The following ADAMTS3 variants were observed in gnomAD, a reference collection of about 807,000 sequenced individuals.
The protein encoded by ADAMTS3 is A disintegrin and metalloproteinase with thrombospondin motifs 3.
Under a neutral mutation model 129.0 loss-of-function variants are expected in ADAMTS3, and 73 were observed. The observed-to-expected ratio is 0.57, with a 90% CI of 0.47 to 0.69. ADAMTS3 has a LOEUF of 0.69. ADAMTS3 is among the 30% of genes least tolerant of loss of function. The probability of loss-of-function intolerance (pLI) is 0.00; values close to 1 mark genes in which losing one functional copy is unlikely to be tolerated. For missense variants in ADAMTS3, 1,457 were observed against 1,514.5 expected, an observed-to-expected ratio of 0.96 and a Z score of 0.63; for synonymous variants, 477 against 510.8, an observed-to-expected ratio of 0.93 and a Z score of 0.89.
At chr4:72,371,039 G>A (rs1578622600) in intron 4 of ADAMTS3, among the ~76,000 whole-genome samples, 1 of 152,126 alleles carries the variant, frequency 6.6e-6, no homozygotes, top group Non-Finnish European at 1.5e-5. Context: ...GAAGAGAGAG[G>A]CAGAGACCAG....
At chr4:72,380,760 C>G (rs1280155445) in intron 4 of ADAMTS3, among the ~76,000 whole-genome samples, 2 of 152,032 alleles carry the variant, frequency 1.3e-5, no homozygotes, top group African/African-American at 4.8e-5. Context: ...CAGAAAGTGG[C>G]AGTCATCTCA....
rs112741610 is a variant in ADAMTS3 at position 72,495,665 on chromosome 4, C to G, written c.504+52813G>C. ...ACCTAGAAAAATCATCAAATCATGA[C>G]CTACCTCTTTCAGTTATTTTTTAAT... On this transcript the variant is annotated intron_variant, in intron 3 of 21. Transcript: ENST00000286657. Among the ~76,000 whole-genome samples, 331 of 152,152 alleles carry G rather than the reference C, an allele frequency of 2.2e-3. 1 individual carries two copies. Among genetic ancestry groups the G allele is most frequent in the African/African-American group, 7.3e-3 (301 of 41,512 alleles).
At chr4:72,530,261 TATATATA>T (rs1322857566) in intron 3 of ADAMTS3, among the ~76,000 whole-genome samples, 13 of 81,812 alleles carry the variant, frequency 1.6e-4, no homozygotes, top group Admixed American at 1.2e-3. Flanking sequence ...ATATTTATAT[TATATATA>T]ATATATAATA....
chr4:72,447,480 T>C (rs759691051), intron 3 of ADAMTS3, among the ~76,000 whole-genome samples: 3 of 151,824 alleles, frequency 2.0e-5, no homozygotes, highest in Admixed American at 6.6e-5. Flanking sequence ...AGTAAAGTTA[T>C]TAATTTTATG....
chr4:72,304,068 T>C lies in ADAMTS3; in HGVS notation c.2273A>G (p.Gln758Arg), dbSNP rs201380121. The C allele has an allele frequency of 3.2e-5, 52 of 1,613,060 alleles. No homozygotes were observed. Among genetic ancestry groups the C allele is most frequent in the Non-Finnish European group, 4.2e-5 (50 of 1,179,482 alleles). ...ASPHILAIKNQATGHYILNGK... is the reference protein window; with the variant it reads ...ASPHILAIKNRATGHYILNGK... ...ATTTAAAATATAATGGCCTGTAGCC[T>C]GGTTCTTAATAGCTAAAGGGAGAAA... Residue 758 changes from glutamine (Q) to arginine (R), a missense_variant, in exon 17 of 22, where the codon CAG becomes CGG. Coordinates refer to ENST00000286657, the MANE Select transcript of ADAMTS3 (RefSeq NM_014243.3).
chr4:72,291,134 C>G lies in ADAMTS3; in HGVS notation c.2724-72G>C, dbSNP rs1247399832. Reference sequence around the variant, plus strand: ...GTGTACACATTTCTACCTGCAAAGCCTAGACTTTTCTGCTCTCTAAGTGAC... The same window carrying G: ...GTGTACACATTTCTACCTGCAAAGCGTAGACTTTTCTGCTCTCTAAGTGAC... On this transcript the variant is annotated intron_variant, in intron 19 of 21. Transcript: ENST00000286657. The G allele has an allele frequency of 9.9e-6, 15 of 1,516,306 alleles. No individual in the cohort carries two copies. In the East Asian group the frequency reaches 3.0e-4, roughly 30 times the overall value. 93.9% of individuals were successfully genotyped at this position (1,516,306 alleles called of 1,614,324 possible).
intron 4 of ADAMTS3, among the ~76,000 whole-genome samples, chr4:72,391,118 A>G (rs1171726053): frequency 1.3e-5 from 2 of 152,182 alleles, no homozygotes; most frequent in African/African-American, 2.4e-5. Context: ...GAAATGGGGC[A>G]TTTGGAATAA....
At position 72,295,662 on chromosome 4, in the gene ADAMTS3, T is replaced by A; in HGVS notation, c.2715A>T (p.Thr905=). 1 of 1,611,772 alleles carries A rather than the reference T, an allele frequency of 6.2e-7. No individual in the cohort carries two copies. The change falls in exon 19 of 22, where the codon ACA becomes ACT. Residue 905 remains threonine (T), a synonymous_variant. Coordinates refer to ENST00000286657, the MANE Select transcript of ADAMTS3 (RefSeq NM_014243.3). ...IRRMCNIQEC[T]HPLWVAEEWE... The stretch of plus-strand genomic sequence containing the variant: ...TTAAAATAGATGCTTACAGTGGATG[T>A]GTACACTCTTGAATATTGCACATTC...
At chr4:72,450,310 A>T (rs371358453) in intron 3 of ADAMTS3, among the ~76,000 whole-genome samples, 2 of 151,648 alleles carry the variant, frequency 1.3e-5, no homozygotes, top group African/African-American at 4.8e-5. Flanking sequence ...CTTCGTGGTC[A>T]TAAGTATGCT....
intron 3 of ADAMTS3, among the ~76,000 whole-genome samples, chr4:72,542,721 A>G (rs1289524584): frequency 6.6e-6 from 1 of 152,196 alleles, no homozygotes; most frequent in Non-Finnish European, 1.5e-5. Flanking sequence ...GTTCTACATA[A>G]TAAAGTTCTG....
At chr4:72,327,299 TTAA>T (rs1315234650) in intron 5 of ADAMTS3, among the ~76,000 whole-genome samples, 2 of 152,174 alleles carry the variant, frequency 1.3e-5, no homozygotes, top group African/African-American at 4.8e-5. Context: ...TAGGAAATTC[TTAA>T]TAATTCTAAA....
intron 3 of ADAMTS3, among the ~76,000 whole-genome samples, chr4:72,531,100 T>C (rs1014157384): frequency 3.3e-5 from 5 of 151,802 alleles, no homozygotes; most frequent in South Asian, 2.1e-4. Flanking sequence ...CAGGAGGTCA[T>C]TGTCATATCC....
At chr4:72,499,648 T>C (rs918957867) in intron 3 of ADAMTS3, among the ~76,000 whole-genome samples, 1 of 152,122 alleles carries the variant, frequency 6.6e-6, no homozygotes, top group Non-Finnish European at 1.5e-5. Flanking sequence ...TATTTTAGAT[T>C]CGGGAGTACA....
rs1318888216 is a variant in ADAMTS3, at chr4:72,456,030, T to A, written c.505-41059A>T. On this transcript the variant is annotated intron_variant, in intron 3 of 21. Coordinates refer to ENST00000286657, the MANE Select transcript of ADAMTS3 (RefSeq NM_014243.3). ...ATAGTATATATACTATATATATATT[T>A]TACATATAGTATATATACTATATAT... Among the ~76,000 whole-genome samples, 5 of 39,660 alleles carry A rather than the reference T, an allele frequency of 1.3e-4. 1 individual carries two copies. The highest frequency in any genetic ancestry group is 3.6e-4 in the African/African-American group (4 of 11,142). The allele number at this position is 39,660 out of a possible 152,430, so 26.0% of individuals were successfully genotyped here. A position where few individuals can be genotyped will look rare whatever the true frequency, so the allele number is the denominator to read the frequency against.
rs1719291812 is a variant in ADAMTS3, at chr4:72,313,184, GA to G, written c.1745+492del. On this transcript the variant is annotated intron_variant, in intron 12 of 21. Transcript: ENST00000286657. ...TAAAGATTGCTGAGCACACAATAGG[GA>G]ATTCAGTAATTGTAGTCTGAGTGAA... is the stretch of plus-strand genomic sequence containing the variant. 4.6e-5 allele frequency among the ~76,000 whole-genome samples: 7 copies of G among 152,166 alleles called. No homozygotes were observed. The South Asian group carries it at 1.4e-3, about 31-fold the overall frequency.
chr4:72,380,315 T>C (rs1206934155), intron 4 of ADAMTS3, among the ~76,000 whole-genome samples: 2 of 152,128 alleles, frequency 1.3e-5, no homozygotes, highest in Non-Finnish European at 2.9e-5. Context: ...TCTATCACTA[T>C]TGAGCCATGC....
chr4:72,480,276 C>T (rs1578720367), intron 3 of ADAMTS3, among the ~76,000 whole-genome samples: 1 of 152,120 alleles, frequency 6.6e-6, no homozygotes, highest in Non-Finnish European at 1.5e-5. Flanking sequence ...TTCACAATAG[C>T]AAAGACTTGG....
At chr4:72,459,343 G>T (rs1423094904) in intron 3 of ADAMTS3, among the ~76,000 whole-genome samples, 2 of 151,676 alleles carry the variant, frequency 1.3e-5, no homozygotes, top group East Asian at 3.9e-4. Flanking sequence ...AAATTTATTT[G>T]CTAAATATTT....
chr4:72,350,500 CAT>C (rs1720405637), intron 4 of ADAMTS3, among the ~76,000 whole-genome samples: 1 of 152,008 alleles, frequency 6.6e-6, no homozygotes, highest in African/African-American at 2.4e-5. Context: ...GGAGGTCTGA[CAT>C]TGTGAATTTT....
Sources: allele counts gnomAD v4.1 joint callset (sites outside exome capture counted in the v4.1 genomes callset), GRCh38; gene constraint gnomAD v4.1.1; transcripts MANE v1.5; gene names NCBI Gene and HGNC (gene_info 2026-07-23, HGNC 2026-07-21).